The following RIN2 variants were observed in gnomAD, a reference collection of about 807,000 sequenced individuals.
RIN2 encodes Ras and Rab interactor 2.
RIN2 carries 36 observed loss-of-function variants against 78.0 expected under a neutral mutation model. That is an observed-to-expected ratio of 0.46 (90% confidence interval 0.35 to 0.61). The LOEUF (loss-of-function observed/expected upper bound fraction) is 0.61. RIN2 is among the 20% of genes least tolerant of loss of function. The pLI is 0.00. For missense variants in RIN2, 1,087 were observed against 1,159.7 expected (o/e 0.94, Z 0.91); for synonymous variants, 466 against 466.8 (o/e 1.00, Z 0.02).
Position 19,769,078 on chromosome 20 carries a change from C to T in RIN2, c.-163+10751C>T, listed in dbSNP as rs375109545. 4.6e-5 allele frequency among the ~76,000 whole-genome samples: 7 copies of T among 152,022 alleles called. No individual in the cohort carries two copies. In the East Asian group the frequency reaches 5.8e-4, roughly 13 times the overall value. ...CTGGAATTACAGGTGCCCACCGCCACGCCCAGCTAATTTTTGTGTTTTTAG... is the reference window on the plus strand; with the variant it reads ...CTGGAATTACAGGTGCCCACCGCCATGCCCAGCTAATTTTTGTGTTTTTAG... On this transcript the variant is annotated intron_variant, in intron 1 of 12. Coordinates refer to ENST00000255006, the MANE Select transcript of RIN2 (RefSeq NM_018993.4).
rs575310465 is a variant in RIN2 at position 19,947,570 on chromosome 20, A to T, written c.159-9045A>T. On this transcript the variant is annotated intron_variant, in intron 4 of 12. Transcript: ENST00000255006. ...TTGTTGTTTTTGTTTATTGATAAGAACTTATCACATGATAATTAGCCCATT... is the reference window on the plus strand; with the variant it reads ...TTGTTGTTTTTGTTTATTGATAAGATCTTATCACATGATAATTAGCCCATT... Among the ~76,000 whole-genome samples, 694 of 152,356 alleles carry T rather than the reference A, an allele frequency of 4.6e-3. 9 individuals are homozygous for T. Among genetic ancestry groups the T allele is most frequent in the African/African-American group, 0.016 (665 of 41,582 alleles).
chr20:19,794,257 CA>C (rs368395946), intron 1 of RIN2, among the ~76,000 whole-genome samples: 2 of 152,070 alleles, frequency 1.3e-5, no homozygotes, highest in East Asian at 3.9e-4. Context: ...TGCAAATCTT[CA>C]AAAAAAGATT....
Position 19,990,320 on chromosome 20 carries a change from G to A in RIN2, c.2068+9G>A, listed in dbSNP as rs372515582. 2.4e-5 allele frequency: 39 copies of A among 1,597,668 alleles called. No homozygotes were observed. Among genetic ancestry groups the A allele is most frequent in the African/African-American group, 2.0e-4 (15 of 74,694 alleles). ...CATGGAGAACAACTCAGGTGAGGCCGCTGGAAGCCCAGGCTTCGTGCCGCT... is the reference window on the plus strand; with the variant it reads ...CATGGAGAACAACTCAGGTGAGGCCACTGGAAGCCCAGGCTTCGTGCCGCT... On this transcript the variant is annotated intron_variant, in intron 10 of 12. Transcript: ENST00000255006.
intron 1 of RIN2, among the ~76,000 whole-genome samples, chr20:19,787,292 G>T (rs756433816): frequency 2.0e-5 from 3 of 151,744 alleles, no homozygotes; most frequent in Non-Finnish European, 2.9e-5. Context: ...GCATGGTGGC[G>T]TGCAGCTGTA....
intron 4 of RIN2, 51 bp from the exon 5 acceptor site, chr20:19,956,564 T>C (rs1242970401): frequency 6.4e-7 from 1 of 1,563,574 alleles, no homozygotes; most frequent in East Asian, 2.3e-5. Context: ...GTCTCCTTGT[T>C]AGGGAAATGG....
intron 2 of RIN2, among the ~76,000 whole-genome samples, chr20:19,844,604 T>C (rs149130490): frequency 0.34 from 11,082 of 32,470 alleles, 642 homozygotes; most frequent in Non-Finnish European, 0.4. Flanking sequence ...CTTCTTCCTC[T>C]TCTTCTTCTT....
chr20:19,761,345 A>G (rs144168113), intron 1 of RIN2, among the ~76,000 whole-genome samples: 1 of 152,360 alleles, frequency 6.6e-6, no homozygotes, highest in East Asian at 1.9e-4. Flanking sequence ...CAGTTTTGCT[A>G]AACAATCACT....
intron 3 of RIN2, among the ~76,000 whole-genome samples, chr20:19,902,928 C>T (rs920271546): frequency 4.6e-5 from 7 of 151,962 alleles, no homozygotes; most frequent in Admixed American, 4.6e-4. Context: ...CCCGTCTCTA[C>T]TAACAACACA....
chr20:19,852,882 C>CT (rs555287491), intron 2 of RIN2, among the ~76,000 whole-genome samples: 23 of 148,740 alleles, frequency 1.5e-4, no homozygotes, highest in East Asian at 7.9e-4. Context: ...ATTTGCCATC[C>CT]TTTTTTTTTT....
At chr20:19,942,796 T>C (rs183375889) in intron 4 of RIN2, among the ~76,000 whole-genome samples, 16 of 152,342 alleles carry the variant, frequency 1.1e-4, no homozygotes, top group Admixed American at 8.5e-4. Context: ...CTGTTTACAG[T>C]AAACCTTGGC....
In RIN2 at chr20:19,763,529, G is replaced by A. The variant is rs962353663; in HGVS notation, c.-163+5202G>A. ...TCAATAGCATAATCACATAATGAATGAGTGAATGAATGAATGAATGATTAA... is the reference window on the plus strand; with the variant it reads ...TCAATAGCATAATCACATAATGAATAAGTGAATGAATGAATGAATGATTAA... On this transcript the variant is annotated intron_variant, in intron 1 of 12. Coordinates refer to ENST00000255006, the MANE Select transcript of RIN2 (RefSeq NM_018993.4). Among the ~76,000 whole-genome samples the A allele has an allele frequency of 5.8e-5, 5 of 86,182 alleles. No homozygotes were observed. The Admixed American group carries it at 6.2e-4, about 11-fold the overall frequency. The allele number at this position is 86,182 out of a possible 152,430, so 56.5% of individuals were successfully genotyped here.
At chr20:19,980,265 T>A (rs1046166348) in intron 9 of RIN2, among the ~76,000 whole-genome samples, 8 of 152,204 alleles carry the variant, frequency 5.3e-5, no homozygotes, top group South Asian at 4.1e-4. Flanking sequence ...CAAAAATTAA[T>A]TTAAATAGAA....
At chr20:19,973,413 C>T (rs920170549) in intron 8 of RIN2, among the ~76,000 whole-genome samples, 1 of 152,188 alleles carries the variant, frequency 6.6e-6, no homozygotes, top group African/African-American at 2.4e-5. Context: ...TCCCAAAGGG[C>T]TTCATCTCAG....
intron 11 of RIN2, among the ~76,000 whole-genome samples, chr20:19,992,579 A>G (rs970198137): frequency 1.3e-5 from 2 of 152,332 alleles, no homozygotes; most frequent in East Asian, 1.9e-4. Flanking sequence ...AGAGTGTACT[A>G]ACCTTTTTCT....
intron 2 of RIN2, among the ~76,000 whole-genome samples, chr20:19,808,368 G>A (rs1648348601): frequency 6.6e-6 from 1 of 152,204 alleles, no homozygotes; most frequent in Non-Finnish European, 1.5e-5. Flanking sequence ...GGAAAGCTGA[G>A]AATAGGATCT....
intron 11 of RIN2, among the ~76,000 whole-genome samples, chr20:19,996,177 G>A (rs1046526020): frequency 6.6e-6 from 1 of 152,172 alleles, no homozygotes; most frequent in African/African-American, 2.4e-5. Flanking sequence ...AGCCAGGCGT[G>A]GTGGTGCATG....
At chr20:19,913,815 G>T (rs543505561) in intron 3 of RIN2, among the ~76,000 whole-genome samples, 4 of 152,218 alleles carry the variant, frequency 2.6e-5, no homozygotes, top group African/African-American at 9.6e-5. Flanking sequence ...ACCACATTTT[G>T]CTTATTCATT....
At chr20:19,858,784 T>G (rs188031989) in intron 2 of RIN2, among the ~76,000 whole-genome samples, 1 of 152,200 alleles carries the variant, frequency 6.6e-6, no homozygotes, top group Non-Finnish European at 1.5e-5. Flanking sequence ...CATGATCTCA[T>G]CTGTCTTCCT....
chr20:19,956,556 C>T, intron 4 of RIN2, 59 bp from the exon 5 acceptor site: 2 of 1,531,754 alleles, frequency 1.3e-6, no homozygotes, highest in Non-Finnish European at 1.8e-6. Context: ...TAGGGACGGT[C>T]TCCTTGTTAG....
Sources: allele counts gnomAD v4.1 joint callset (sites outside exome capture counted in the v4.1 genomes callset), GRCh38; gene constraint gnomAD v4.1.1; transcripts MANE v1.5; gene names NCBI Gene and HGNC (gene_info 2026-07-23, HGNC 2026-07-21).